Variants in ST18 observed in about 807,000 individuals in gnomAD.
The protein encoded by ST18 is suppression of tumorigenicity 18 protein.
In ST18, 50 loss-of-function variants were observed where a neutral mutation model predicts 110.0. The observed-to-expected ratio is 0.45, with a 90% CI of 0.36 to 0.58. The LOEUF is 0.58. ST18 is among the 20% of genes least tolerant of loss of function. The pLI, the probability that ST18 is intolerant of heterozygous loss-of-function variation, is 0.00. For synonymous variants in ST18, 461 were observed against 452.4 expected, an observed-to-expected ratio of 1.02 and a Z score of -0.24; for missense variants, 1,306 against 1,280.1, an observed-to-expected ratio of 1.02 and a Z score of -0.31.
chr8:52,324,399 A>T (rs1490757337), intron 2 of ST18, among the ~76,000 whole-genome samples: 1 of 152,168 alleles, frequency 6.6e-6, no homozygotes, highest in Non-Finnish European at 1.5e-5. Context: ...TCAAGTGTGT[A>T]GCATGGGTCA....
chr8:52,223,109 T>C (rs981291763), intron 3 of ST18, among the ~76,000 whole-genome samples: 6 of 152,210 alleles, frequency 3.9e-5, no homozygotes, highest in Non-Finnish European at 7.3e-5. Flanking sequence ...ACTACGTTTG[T>C]CCACTTTACT....
chr8:52,212,014 T>C, intron 8 of ST18, 65 bp downstream of exon 8: 1 of 1,530,920 alleles, frequency 6.5e-7, no homozygotes, highest in South Asian at 1.2e-5. Flanking sequence ...GCTTGAAAAG[T>C]ACAAATCATT....
At chr8:52,156,128 A>C (rs1462859825) in intron 15 of ST18, among the ~76,000 whole-genome samples, 2 of 152,204 alleles carry the variant, frequency 1.3e-5, no homozygotes, top group African/African-American at 4.8e-5. Flanking sequence ...CTTTACCCAG[A>C]GCCATGCAAG....
intron 2 of ST18, among the ~76,000 whole-genome samples, chr8:52,317,531 G>T (rs770139415): frequency 7.2e-5 from 11 of 152,238 alleles, no homozygotes; most frequent in Admixed American, 5.2e-4. Flanking sequence ...CACTCAGCTT[G>T]TGGTAATTTG....
chr8:52,216,516 A>ACTGT (rs1159380775), intron 6 of ST18, among the ~76,000 whole-genome samples: 1 of 152,214 alleles, frequency 6.6e-6, no homozygotes, highest in African/African-American at 2.4e-5. Context: ...ATAAAACTCA[A>ACTGT]CTGTTTCACT....
chr8:52,363,321 A>C (rs998902272), intron 2 of ST18, among the ~76,000 whole-genome samples: 4 of 152,220 alleles, frequency 2.6e-5, no homozygotes, highest in African/African-American at 9.6e-5. Flanking sequence ...GTGGGTAAAC[A>C]TTTAGAATTT....
At chr8:52,282,900 A>C (rs2095410055) in intron 2 of ST18, among the ~76,000 whole-genome samples, 1 of 152,058 alleles carries the variant, frequency 6.6e-6, no homozygotes, top group Non-Finnish European at 1.5e-5. Flanking sequence ...AAGAGAACGG[A>C]AGGGTTTGGG....
chr8:52,202,540 C>G (rs892903991), intron 8 of ST18, among the ~76,000 whole-genome samples: 1 of 152,084 alleles, frequency 6.6e-6, no homozygotes, highest in Non-Finnish European at 1.5e-5. Context: ...AATGACAAAA[C>G]AGCTACAATT....
chr8:52,270,243 C>T (rs955513651), intron 2 of ST18, among the ~76,000 whole-genome samples: 1 of 152,082 alleles, frequency 6.6e-6, no homozygotes, highest in Non-Finnish European at 1.5e-5. Context: ...AGAGTTAAAT[C>T]GTCTAAACTC....
intron 2 of ST18, among the ~76,000 whole-genome samples, chr8:52,282,811 A>G (rs1307129622): frequency 6.6e-6 from 1 of 152,072 alleles, no homozygotes; most frequent in African/African-American, 2.4e-5. Context: ...AGGCCCCGAG[A>G]AAGTATGGTG....
At chr8:52,375,119 ATC>A (rs141283178) in intron 2 of ST18, among the ~76,000 whole-genome samples, 149 of 144,260 alleles carry the variant, frequency 1.0e-3, no homozygotes, top group Non-Finnish European at 1.0e-3. Flanking sequence ...CTCTCTCTTT[ATC>A]TCTCTCTCTC....
intron 2 of ST18, among the ~76,000 whole-genome samples, chr8:52,243,791 C>A (rs568786206): frequency 1.3e-5 from 2 of 152,202 alleles, no homozygotes; most frequent in South Asian, 2.1e-4. Context: ...ACCACAAGTT[C>A]TTTTTCTCAT....
rs1402531974 is a variant in ST18 at position 52,230,849 on chromosome 8, C to A, written c.-464-772G>T. ...CCAACTTCACCAACTCCACAGAAAGCTTTGTCTCACTGATGCCCTGACGAC... is the reference window on the plus strand; with the variant it reads ...CCAACTTCACCAACTCCACAGAAAGATTTGTCTCACTGATGCCCTGACGAC... On this transcript the variant is annotated intron_variant, in intron 2 of 25. Transcript: ENST00000689386. Among the ~76,000 whole-genome samples, 3 of 151,988 alleles carry A rather than the reference C, an allele frequency of 2.0e-5. No homozygotes were observed. The East Asian group carries it at 5.8e-4, about 29-fold the overall frequency.
intron 2 of ST18, among the ~76,000 whole-genome samples, chr8:52,360,027 G>C (rs1824998256): frequency 1.3e-5 from 2 of 152,046 alleles, no homozygotes; most frequent in South Asian, 4.1e-4. Context: ...CTTATTGGAA[G>C]CACTGACTTA....
At chr8:52,139,306 TACAAA>T (rs928918087) in intron 17 of ST18, among the ~76,000 whole-genome samples, 1 of 150,938 alleles carries the variant, frequency 6.6e-6, no homozygotes, top group Non-Finnish European at 1.5e-5. Flanking sequence ...CATTTAGTGT[TACAAA>T]CAGCATTGCA....
intron 2 of ST18, among the ~76,000 whole-genome samples, chr8:52,261,957 A>G (rs1487922736): frequency 6.6e-6 from 1 of 152,006 alleles, no homozygotes; most frequent in African/African-American, 2.4e-5. Flanking sequence ...GTCTTACTCA[A>G]TTTTCTGTTG....
intron 2 of ST18, among the ~76,000 whole-genome samples, chr8:52,257,457 C>G (rs1177148117): frequency 1.3e-5 from 2 of 151,940 alleles, no homozygotes; most frequent in Non-Finnish European, 2.9e-5. Flanking sequence ...TATTGTCTAT[C>G]TTTTCTATTA....
chr8:52,291,225 C>A (rs1412974281), intron 2 of ST18, among the ~76,000 whole-genome samples: 1 of 152,190 alleles, frequency 6.6e-6, no homozygotes, highest in Non-Finnish European at 1.5e-5. Flanking sequence ...TGGTTAAGCT[C>A]CCATTTTTCA....
At chr8:52,261,049 A>G (rs73681234) in intron 2 of ST18, among the ~76,000 whole-genome samples, 5,879 of 152,298 alleles carry the variant, frequency 0.039, 396 homozygotes, top group African/African-American at 0.13. Context: ...AAGCAAAACC[A>G]ACAAGCCTGT....
Sources: gnomAD v4.1 joint callset for allele counts (sites outside exome capture counted in the v4.1 genomes callset) on GRCh38, gnomAD v4.1.1 for gene constraint, MANE v1.5 for transcripts, NCBI Gene and HGNC (gene_info 2026-07-23, HGNC 2026-07-21) for gene names.